The following SLC14A2 variants were observed in gnomAD, a reference collection of about 807,000 sequenced individuals.
The protein encoded by SLC14A2 is urea transporter 2.
SLC14A2 carries 91 observed loss-of-function variants against 104.6 expected under a neutral mutation model. That is an observed-to-expected ratio of 0.87 (90% CI 0.73 to 1.04). SLC14A2 has a LOEUF of 1.04. Among genes scored for constraint, SLC14A2 ranks in the 50% least tolerant of loss-of-function variants. SLC14A2 has a pLI of 0.00. For synonymous variants in SLC14A2, 476 were observed against 466.4 expected, an observed-to-expected ratio of 1.02 and a Z score of -0.27; for missense variants, 1,189 against 1,156.0, an observed-to-expected ratio of 1.03 and a Z score of -0.41.
intron 2 of SLC14A2, chr18:45,528,135 C>G (rs2043623675): frequency 7.5e-6 from 1 of 134,036 alleles, no homozygotes; most frequent in South Asian, 2.3e-4. Context: ...CGCACTTACT[C>G]TTTTGACCAA....
rs182496568 is a variant in SLC14A2 at position 45,292,417 on chromosome 18, C to T, written c.-125+79226C>T. Among the ~76,000 whole-genome samples the T allele has an allele frequency of 1.6e-4, 25 of 152,264 alleles. No homozygotes were observed. The East Asian group carries it at 2.1e-3, about 13-fold the overall frequency. On this transcript the variant is annotated intron_variant, in intron 1 of 20. Transcript: ENST00000586448. ...TGACTCATGGCAGTTGTGTTAGTGA[C>T]GAAGTCATTAGCAGTGTGAAATGTA...
At chr18:45,462,573 G>C (rs780246258) in intron 1 of SLC14A2, among the ~76,000 whole-genome samples, 1 of 152,148 alleles carries the variant, frequency 6.6e-6, no homozygotes, top group Admixed American at 6.5e-5. Context: ...ACTGTTCCAG[G>C]TAATTGAAAT....
At chr18:45,405,704 A>G (rs111770363) in intron 1 of SLC14A2, among the ~76,000 whole-genome samples, 204 of 152,106 alleles carry the variant, frequency 1.3e-3, no homozygotes, top group African/African-American at 4.6e-3. Context: ...GGAGTTTGAG[A>G]CCAGCCTCAT....
chr18:45,248,306 G>A lies in SLC14A2; in HGVS notation c.-125+35115G>A, dbSNP rs551077338. Among the ~76,000 whole-genome samples the A allele has an allele frequency of 4.6e-5, 7 of 152,104 alleles. No homozygotes were observed. In the South Asian group the frequency reaches 1.0e-3, roughly 23 times the overall value. On this transcript the variant is annotated intron_variant, in intron 1 of 20. Transcript: ENST00000586448. Reference sequence around the variant, plus strand: ...ATTTTATCGTCCCATAGCAAATACCGGATGCTTTGATTTGATTGTTATTTC... The same window carrying A: ...ATTTTATCGTCCCATAGCAAATACCAGATGCTTTGATTTGATTGTTATTTC...
At chr18:45,249,662 C>T (rs1251830508) in intron 1 of SLC14A2, among the ~76,000 whole-genome samples, 1 of 152,080 alleles carries the variant, frequency 6.6e-6, no homozygotes, top group African/African-American at 2.4e-5. Flanking sequence ...TAGAAAATAT[C>T]TATTTGGCCA....
chr18:45,263,119 C>T (rs1208754776), intron 1 of SLC14A2, among the ~76,000 whole-genome samples: 1 of 152,214 alleles, frequency 6.6e-6, no homozygotes, highest in East Asian at 1.9e-4. Context: ...ACATTGAGAT[C>T]TCATTGGTCC....
intron 2 of SLC14A2, among the ~76,000 whole-genome samples, chr18:45,552,729 A>G (rs540201986): frequency 8.4e-4 from 128 of 152,292 alleles, no homozygotes; most frequent in South Asian, 1.5e-3. Flanking sequence ...GACATAGAAC[A>G]GGTGTGTGAT....
chr18:45,233,456 G>T (rs2084194536), intron 1 of SLC14A2, among the ~76,000 whole-genome samples: 1 of 152,110 alleles, frequency 6.6e-6, no homozygotes, highest in Non-Finnish European at 1.5e-5. Context: ...TATCACAGGA[G>T]TATTGGACAC....
intron 2 of SLC14A2, among the ~76,000 whole-genome samples, chr18:45,487,906 C>T (rs1337888041): frequency 2.0e-5 from 3 of 152,092 alleles, no homozygotes; most frequent in Admixed American, 1.3e-4. Flanking sequence ...CTTTCTTCTC[C>T]GAGGTCAACT....
intron 1 of SLC14A2, among the ~76,000 whole-genome samples, chr18:45,436,072 GTGATAC>G (rs2086591419): frequency 1.3e-5 from 2 of 152,112 alleles, no homozygotes; most frequent in Admixed American, 6.5e-5. Flanking sequence ...ACAGAGGGAG[GTGATAC>G]TGAACGTAAC....
chr18:45,568,807 C>A (rs946426509), intron 2 of SLC14A2, among the ~76,000 whole-genome samples: 4 of 152,166 alleles, frequency 2.6e-5, no homozygotes, highest in African/African-American at 9.7e-5. Flanking sequence ...GTCGTTACTG[C>A]AGCATAACCT....
intron 2 of SLC14A2, among the ~76,000 whole-genome samples, chr18:45,559,322 G>T (rs562347556): frequency 1.3e-5 from 2 of 152,216 alleles, no homozygotes; most frequent in Non-Finnish European, 2.9e-5. Context: ...CATTGAAGTT[G>T]AACCCCTTAA....
chr18:45,171,201 CATT>C, the SLC14A2 span, among the ~76,000 whole-genome samples: 1 of 151,938 alleles, frequency 6.6e-6, no homozygotes, highest in African/African-American at 2.4e-5. Flanking sequence ...TGCACAAAAA[CATT>C]ATTGTTTATC....
intron 2 of SLC14A2, chr18:45,491,959 A>G (rs1709428969): frequency 6.6e-6 from 1 of 152,230 alleles, no homozygotes; most frequent in South Asian, 2.1e-4. Flanking sequence ...GTTTCTCTCA[A>G]TTTAAAGGAA....
chr18:45,209,027 TAAA>T (rs199687506), upstream of SLC14A2, among the ~76,000 whole-genome samples: 69 of 144,276 alleles, frequency 4.8e-4, no homozygotes, highest in South Asian at 6.6e-4. Context: ...AACAGGCATT[TAAA>T]AAAAAAAAAA....
At chr18:45,590,413 T>A (rs1045900611) in intron 2 of SLC14A2, among the ~76,000 whole-genome samples, 1 of 152,218 alleles carries the variant, frequency 6.6e-6, no homozygotes, top group African/African-American at 2.4e-5. Flanking sequence ...CATTTCCCAC[T>A]GGACTATAAT....
intron 1 of SLC14A2, among the ~76,000 whole-genome samples, chr18:45,307,695 G>A (rs1005154116): frequency 1.3e-5 from 2 of 152,050 alleles, no homozygotes; most frequent in African/African-American, 2.4e-5. Context: ...CTCATAATAA[G>A]GACATAATCT....
intron 1 of SLC14A2, among the ~76,000 whole-genome samples, chr18:45,470,634 T>C (rs979435510): frequency 2.0e-5 from 3 of 152,198 alleles, no homozygotes; most frequent in Non-Finnish European, 2.9e-5. Context: ...TGATAGTTTA[T>C]ACAATATATT....
intron 2 of SLC14A2, among the ~76,000 whole-genome samples, chr18:45,530,827 C>T (rs2043673456): frequency 6.6e-6 from 1 of 151,990 alleles, no homozygotes. Flanking sequence ...TTAGGTATAT[C>T]TCCTAATGCT....
Sources: gnomAD v4.1 joint callset for allele counts (sites outside exome capture counted in the v4.1 genomes callset) on GRCh38, gnomAD v4.1.1 for gene constraint, MANE v1.5 for transcripts, NCBI Gene and HGNC (gene_info 2026-07-23, HGNC 2026-07-21) for gene names.